The following VRK2 variants were observed in gnomAD, a reference collection of about 807,000 sequenced individuals.
VRK2 encodes the protein VRK serine/threonine kinase 2, also known as serine/threonine-protein kinase VRK2.
VRK2 carries 60 observed loss-of-function variants against 57.6 expected under a neutral mutation model. The observed-to-expected ratio is 1.04, with a 90% confidence interval of 0.85 to 1.29. The LOEUF (loss-of-function observed/expected upper bound fraction) is 1.29. VRK2 is among the 50% of genes most tolerant of loss of function. VRK2 has a pLI of 0.00. For synonymous variants in VRK2, 231 were observed against 199.2 expected (o/e 1.16, Z -1.35); for missense variants, 705 against 588.1 (o/e 1.20, Z -2.06).
At chr2:57,920,319 GAACT>G (rs1248408135) in intron 1 of VRK2, among the ~76,000 whole-genome samples, 8 of 152,106 alleles carry the variant, frequency 5.3e-5, no homozygotes, top group African/African-American at 1.9e-4. Flanking sequence ...TTCTTTAATT[GAACT>G]AACTGTCACA....
At chr2:58,108,140 C>G (rs1675023359) in intron 7 of VRK2, among the ~76,000 whole-genome samples, 1 of 152,070 alleles carries the variant, frequency 6.6e-6, no homozygotes, top group African/African-American at 2.4e-5. Context: ...TACCAAATCT[C>G]TCCTTCCTCT....
At chr2:58,098,159 G>A (rs13008111) in intron 7 of VRK2, among the ~76,000 whole-genome samples, 12,910 of 151,988 alleles carry the variant, frequency 0.085, 573 homozygotes, top group South Asian at 0.14. Context: ...AAAGCCTACA[G>A]AATAAGGATA....
intron 1 of VRK2, among the ~76,000 whole-genome samples, chr2:57,972,968 G>C (rs1423463801): frequency 3.3e-5 from 5 of 151,746 alleles, no homozygotes; most frequent in African/African-American, 9.7e-5. Flanking sequence ...GTTATAAATG[G>C]TTCTCTAGTG....
chr2:58,080,011 G>T (rs2104093061), intron 2 of VRK2, among the ~76,000 whole-genome samples: 1 of 151,806 alleles, frequency 6.6e-6, no homozygotes, highest in East Asian at 1.9e-4. Context: ...TTTTTTATTT[G>T]TTAATTTATT....
chr2:57,945,397 A>G (rs1305349959), intron 1 of VRK2, among the ~76,000 whole-genome samples: 5 of 152,136 alleles, frequency 3.3e-5, no homozygotes, highest in African/African-American at 7.2e-5. Flanking sequence ...AACTGTCACC[A>G]TATCTACCAG....
chr2:57,949,699 T>C (rs1483035767), intron 1 of VRK2, among the ~76,000 whole-genome samples: 1 of 152,204 alleles, frequency 6.6e-6, no homozygotes, highest in East Asian at 1.9e-4. Context: ...GTTATATGTC[T>C]GTCACTTTAA....
At chr2:58,082,082 C>G (rs945590603) in intron 2 of VRK2, among the ~76,000 whole-genome samples, 1 of 151,672 alleles carries the variant, frequency 6.6e-6, no homozygotes, top group Non-Finnish European at 1.5e-5. Flanking sequence ...CTTAGACCCT[C>G]CAATATAATC....
rs574026415 is a variant in VRK2 at position 57,915,426 on chromosome 2, C to T, written c.-439+7587C>T. Among the ~76,000 whole-genome samples the T allele has an allele frequency of 7.9e-5, 12 of 152,158 alleles. No homozygotes were observed. In the East Asian group the frequency reaches 1.7e-3, roughly 22 times the overall value. On this transcript the variant is annotated intron_variant, in intron 1 of 15. Transcript: ENST00000417641. Reference sequence around the variant, plus strand: ...AAGTGGCAAGTTTTATCAGCATGTTCTACCATCACATATTTAAAGAAATCA... The same window carrying T: ...AAGTGGCAAGTTTTATCAGCATGTTTTACCATCACATATTTAAAGAAATCA...
At chr2:58,000,162 G>A (rs1264309177) in intron 1 of VRK2, among the ~76,000 whole-genome samples, 1 of 152,080 alleles carries the variant, frequency 6.6e-6, no homozygotes, top group Non-Finnish European at 1.5e-5. Flanking sequence ...TTAAACTATT[G>A]TAGAGAAGGC....
intron 1 of VRK2, among the ~76,000 whole-genome samples, chr2:57,943,089 G>A (rs1671150900): frequency 6.6e-6 from 1 of 152,134 alleles, no homozygotes; most frequent in Non-Finnish European, 1.5e-5. Context: ...ATAAACTGAA[G>A]CAAACCCCTG....
intron 7 of VRK2, among the ~76,000 whole-genome samples, chr2:58,095,455 T>G (rs1279981194): frequency 3.9e-5 from 6 of 152,160 alleles, no homozygotes; most frequent in Non-Finnish European, 8.8e-5. Context: ...GTCATTAGGA[T>G]TATTTTAAAG....
At chr2:58,101,471 A>T (rs1177322343) in intron 7 of VRK2, among the ~76,000 whole-genome samples, 1 of 151,824 alleles carries the variant, frequency 6.6e-6, no homozygotes, top group African/African-American at 2.4e-5. Flanking sequence ...CTTCACAGTC[A>T]TTCCTTAACG....
chr2:58,125,448 C>T (rs958377288), intron 8 of VRK2, among the ~76,000 whole-genome samples: 1 of 151,958 alleles, frequency 6.6e-6, no homozygotes, highest in Non-Finnish European at 1.5e-5. Flanking sequence ...TTTCACCACC[C>T]TCGGTCTTTG....
chr2:58,129,595 AG>A (rs1448805602), intron 8 of VRK2, among the ~76,000 whole-genome samples: 1 of 152,252 alleles, frequency 6.6e-6, no homozygotes, highest in African/African-American at 2.4e-5. Context: ...ATGCATACAT[AG>A]ATTTTAATAT....
chr2:58,077,354 C>A (rs966048490), intron 2 of VRK2, among the ~76,000 whole-genome samples: 2 of 151,980 alleles, frequency 1.3e-5, no homozygotes, highest in East Asian at 1.9e-4. Context: ...TGATCCTAGG[C>A]CTTTGTTGTC....
chr2:57,977,316 C>A (rs1009046494), intron 1 of VRK2, among the ~76,000 whole-genome samples: 3 of 152,020 alleles, frequency 2.0e-5, no homozygotes, highest in Non-Finnish European at 4.4e-5. Context: ...GGTAGTATGG[C>A]CATTTTAACA....
At chr2:58,134,457 A>G (rs1318563754) in intron 9 of VRK2, among the ~76,000 whole-genome samples, 1 of 151,360 alleles carries the variant, frequency 6.6e-6, no homozygotes, top group Non-Finnish European at 1.5e-5. Context: ...TAAAAATACA[A>G]AAAATTAGCC....
At chr2:58,078,505 A>T (rs910345219) in intron 2 of VRK2, among the ~76,000 whole-genome samples, 1 of 152,004 alleles carries the variant, frequency 6.6e-6, no homozygotes, top group Non-Finnish European at 1.5e-5. Context: ...ATTATTTTCA[A>T]TACATACCCA....
chr2:57,917,298 C>T (rs921666050), intron 1 of VRK2, among the ~76,000 whole-genome samples: 3 of 152,028 alleles, frequency 2.0e-5, no homozygotes, highest in South Asian at 4.2e-4. Context: ...CCCTTACCTC[C>T]AGTTCTTCCT....
Sources: allele counts gnomAD v4.1 joint callset (sites outside exome capture counted in the v4.1 genomes callset), GRCh38; gene constraint gnomAD v4.1.1; transcripts MANE v1.5; gene names NCBI Gene and HGNC (gene_info 2026-07-23, HGNC 2026-07-21).